FRY: variants seen among roughly 807,000 people sequenced by gnomAD.
FRY encodes the protein FRY microtubule binding protein.
In FRY, 128 loss-of-function variants were observed where a neutral mutation model predicts 348.4. The ratio of observed to expected loss-of-function variants is 0.37; its 90% confidence interval spans 0.32 to 0.43. FRY has a LOEUF of 0.43. Among genes scored for constraint, FRY ranks in the 20% least tolerant of loss-of-function variants. The pLI, the probability that FRY is intolerant of heterozygous loss-of-function variation, is 1.00. For missense variants in FRY, 2,736 were observed against 3,695.2 expected (o/e 0.74, Z 6.73); for synonymous variants, 1,370 against 1,374.7 (o/e 1.00, Z 0.08).
At chr13:32,122,613 C>T (rs1345248222) in intron 4 of FRY, among the ~76,000 whole-genome samples, 1 of 152,180 alleles carries the variant, frequency 6.6e-6, no homozygotes, top group African/African-American at 2.4e-5. Context: ...AGCATTCCCT[C>T]TGAGAACTGG....
chr13:32,187,827 G>A (rs1448604557), intron 28 of FRY, among the ~76,000 whole-genome samples, 171 bp downstream of exon 28: 1 of 152,062 alleles, frequency 6.6e-6, no homozygotes, highest in East Asian at 1.9e-4. Flanking sequence ...AAAAAAGATA[G>A]TAACATTTAT....
chr13:32,131,893 C>T, intron 8 of FRY, 53 bp downstream of exon 8: 2 of 1,353,362 alleles, frequency 1.5e-6, no homozygotes, highest in Non-Finnish European at 2.1e-6. Flanking sequence ...CACTTCCCTT[C>T]CTCAAAATGA....
At position 32,237,908 on chromosome 13, in the gene FRY, A is replaced by T. The variant is rs757405186; in HGVS notation, c.6340A>T (p.Thr2114Ser). The stretch of plus-strand genomic sequence containing the variant: ...GAAAGGATTCACATCCCTCACCACC[A>T]CAGACCTGACCCTGCAGCTCTTCAG... ...LLKGFTSLTT[T>S]DLTLQLFSLL... is the part of the protein sequence containing the mutation. Residue 2114 changes from threonine (T) to serine (S), a missense_variant, in exon 44 of 61, where the codon ACA becomes TCA. This residue lies in a region of FRY where 789 missense variants were observed against 996.2 expected (regional missense o/e 0.79). Coordinates refer to ENST00000542859, the MANE Select transcript of FRY (RefSeq NM_023037.3). The surrounding 1 kb of genome is among the most constrained non-coding windows in gnomAD (Gnocchi z 6.3). 3.7e-6 allele frequency: 6 copies of T among 1,614,090 alleles called. 1 individual carries two copies. In the South Asian group the frequency reaches 6.6e-5, roughly 18 times the overall value.
intron 39 of FRY, among the ~76,000 whole-genome samples, chr13:32,227,309 G>A (rs914422571): frequency 1.3e-5 from 2 of 152,160 alleles, no homozygotes; most frequent in African/African-American, 4.8e-5. Flanking sequence ...AAAAATGTGT[G>A]TGACAGAAAT....
At chr13:32,126,763 A>C (rs55984119) in intron 7 of FRY, among the ~76,000 whole-genome samples, 1,621 of 152,336 alleles carry the variant, frequency 0.011, 28 homozygotes, top group African/African-American at 0.037. Context: ...CAGGACCATT[A>C]CTTTATTGTT....
chr13:32,069,870 C>T (rs1874515615), intron 1 of FRY, among the ~76,000 whole-genome samples: 1 of 151,790 alleles, frequency 6.6e-6, no homozygotes, highest in African/African-American at 2.4e-5. Context: ...CCCAGACCCC[C>T]ACCCCCCAAG....
At chr13:32,163,535 A>T (rs951380243) in intron 17 of FRY, among the ~76,000 whole-genome samples, 5 of 152,256 alleles carry the variant, frequency 3.3e-5, no homozygotes, top group African/African-American at 1.2e-4. Context: ...AAAAGTTTTC[A>T]GTTAAATTGA....
At chr13:32,172,094 G>A (rs1593695033) in intron 18 of FRY, among the ~76,000 whole-genome samples, 1 of 151,940 alleles carries the variant, frequency 6.6e-6, no homozygotes, top group South Asian at 2.1e-4. Flanking sequence ...ATAGGATATG[G>A]ATGTGGATAT....
chr13:32,037,485 C>G (rs1872572884), intron 1 of FRY, among the ~76,000 whole-genome samples: 1 of 152,166 alleles, frequency 6.6e-6, no homozygotes, highest in Non-Finnish European at 1.5e-5. Flanking sequence ...CTTGATAGCT[C>G]TGGCCTGCTC....
chr13:32,290,974 G>A (rs879508657), intron 59 of FRY, among the ~76,000 whole-genome samples: 10 of 152,144 alleles, frequency 6.6e-5, no homozygotes, highest in Non-Finnish European at 1.5e-4. Context: ...CTGCCGGCTA[G>A]TCAATGGCTG....
At chr13:32,190,175 A>T (rs1031396090) in intron 28 of FRY, among the ~76,000 whole-genome samples, 1 of 151,958 alleles carries the variant, frequency 6.6e-6, no homozygotes, top group African/African-American at 2.4e-5. Flanking sequence ...CCTTGAAAAA[A>T]AAAACACCCT....
chr13:32,080,272 A>G (rs909269705), intron 2 of FRY, among the ~76,000 whole-genome samples: 7 of 152,150 alleles, frequency 4.6e-5, no homozygotes, highest in African/African-American at 1.7e-4. Flanking sequence ...TCATGTTTTT[A>G]TGTTTCTGCT....
intron 2 of FRY, among the ~76,000 whole-genome samples, chr13:32,089,375 A>C (rs1346013420): frequency 6.6e-6 from 1 of 152,184 alleles, no homozygotes; most frequent in Non-Finnish European, 1.5e-5. Flanking sequence ...CATAGGTTGA[A>C]GGCAGGGGGG....
intron 23 of FRY, 134 bp downstream of exon 23, chr13:32,179,933 C>T: frequency 3.5e-6 from 3 of 849,500 alleles, no homozygotes; most frequent in East Asian, 2.4e-5. Context: ...CTTCCCACTA[C>T]ATCGTCTTGG....
chr13:32,287,260 G>A (rs1889125727), intron 58 of FRY, among the ~76,000 whole-genome samples: 1 of 152,026 alleles, frequency 6.6e-6, no homozygotes, highest in Non-Finnish European at 1.5e-5. Flanking sequence ...ACACTTGTTT[G>A]AGGGCATACA....
Position 32,228,470 on chromosome 13 carries a change from C to T in FRY, c.5221C>T (p.Leu1741=). The change falls in exon 40 of 61, where the codon CTG becomes TTG. Residue 1741 remains leucine (L), a synonymous_variant. Transcript: ENST00000542859. ...TCTCCCACCAGGTGGCTTTGACTTC[C>T]TGAGAGAGGACCAGTCATCCCCGGT... ...EYLYTGGFDF[L]REDQSSPVPD... 1 of 1,612,392 alleles carries T rather than the reference C, an allele frequency of 6.2e-7. No individual in the cohort carries two copies. Among genetic ancestry groups the T allele is most frequent in the Non-Finnish European group, 8.5e-7 (1 of 1,179,772 alleles).
intron 7 of FRY, among the ~76,000 whole-genome samples, chr13:32,125,547 A>G (rs1201756328): frequency 2.6e-5 from 4 of 152,260 alleles, no homozygotes; most frequent in Non-Finnish European, 5.9e-5. Context: ...ATGTGAATTC[A>G]TGCCAGGAGG....
At chr13:32,106,065 A>G (rs1408823323) in intron 3 of FRY, among the ~76,000 whole-genome samples, 2 of 148,092 alleles carry the variant, frequency 1.4e-5, no homozygotes, top group Non-Finnish European at 3.0e-5. Context: ...ATAATATAAT[A>G]ATATTAAATA....
chr13:32,186,116 C>G, intron 26 of FRY, 144 bp from the exon 27 acceptor site: 1 of 703,896 alleles, frequency 1.4e-6, no homozygotes, highest in Admixed American at 2.2e-5. Flanking sequence ...TGTGGCTTGA[C>G]TTTTTAAGTG....
Sources: allele counts gnomAD v4.1 joint callset (sites outside exome capture counted in the v4.1 genomes callset), GRCh38; gene constraint gnomAD v4.1.1; regional missense constraint gnomAD v4.1.1; non-coding constraint Gnocchi (gnomAD v3.1); transcripts MANE v1.5; gene names NCBI Gene and HGNC (gene_info 2026-07-23, HGNC 2026-07-21).